COMMD10: variants seen among roughly 807,000 people sequenced by gnomAD.
COMMD10 encodes the protein COMM domain-containing protein 10.
COMMD10 carries 33 observed loss-of-function variants against 28.9 expected under a neutral mutation model. The ratio of observed to expected loss-of-function variants is 1.14; its 90% CI spans 0.87 to 1.53. The LOEUF is 1.53. Ranked by LOEUF, COMMD10 falls within the 40% of genes most tolerant of loss-of-function variation. The pLI is 0.00. For synonymous variants in COMMD10, 110 were observed against 81.7 expected, an observed-to-expected ratio of 1.35 and a Z score of -1.87; for missense variants, 310 against 233.4, an observed-to-expected ratio of 1.33 and a Z score of -2.14.
chr5:116,224,155 T>G (rs904899892), intron 5 of COMMD10, among the ~76,000 whole-genome samples: 1 of 152,168 alleles, frequency 6.6e-6, no homozygotes, highest in African/African-American at 2.4e-5. Flanking sequence ...TTAATCCTTT[T>G]AAAAAATTGA....
At chr5:116,278,632 G>T (rs541367258) in intron 5 of COMMD10, among the ~76,000 whole-genome samples, 1 of 151,812 alleles carries the variant, frequency 6.6e-6, no homozygotes, top group Admixed American at 6.6e-5. Context: ...TATTTCATGC[G>T]CTCTCTTATA....
intron 5 of COMMD10, among the ~76,000 whole-genome samples, chr5:116,138,518 A>T (rs1001216869): frequency 5.3e-5 from 8 of 151,638 alleles, no homozygotes; most frequent in African/African-American, 1.9e-4. Context: ...ATCTTAGTAC[A>T]TTTTTTTCCC....
At chr5:116,114,308 G>T (rs192192598) in intron 4 of COMMD10, among the ~76,000 whole-genome samples, 1 of 152,206 alleles carries the variant, frequency 6.6e-6, no homozygotes, top group African/African-American at 2.4e-5. Flanking sequence ...GGGCAAGTGA[G>T]TGGGCTCATG....
intron 4 of COMMD10, among the ~76,000 whole-genome samples, chr5:116,109,294 T>C (rs538554090): frequency 6.6e-6 from 1 of 152,314 alleles, no homozygotes; most frequent in South Asian, 2.1e-4. Context: ...AATATTCCTA[T>C]GTATTTGGCT....
At chr5:116,235,210 A>G (rs1203628396) in intron 5 of COMMD10, among the ~76,000 whole-genome samples, 1 of 152,196 alleles carries the variant, frequency 6.6e-6, no homozygotes, top group African/African-American at 2.4e-5. Context: ...CTCAGTCAAA[A>G]CATAGTCAAA....
intron 5 of COMMD10, among the ~76,000 whole-genome samples, chr5:116,149,015 C>G (rs910390185): frequency 2.6e-5 from 3 of 117,352 alleles, no homozygotes; most frequent in Non-Finnish European, 3.4e-5. Context: ...CCCCACCCCA[C>G]AGCAGTCCCC....
chr5:116,180,248 G>C (rs1357204898), intron 5 of COMMD10, among the ~76,000 whole-genome samples: 1 of 151,930 alleles, frequency 6.6e-6, no homozygotes, highest in Non-Finnish European at 1.5e-5. Context: ...CGTACATTCA[G>C]GTTTATAGAA....
intron 5 of COMMD10, among the ~76,000 whole-genome samples, chr5:116,191,247 T>A (rs1200010489): frequency 6.6e-6 from 1 of 151,870 alleles, no homozygotes; most frequent in East Asian, 1.9e-4. Flanking sequence ...GAGAAGTAAA[T>A]CTCTAGCTGA....
intron 5 of COMMD10, among the ~76,000 whole-genome samples, chr5:116,208,329 T>TC (rs1221609320): frequency 6.6e-6 from 1 of 151,916 alleles, no homozygotes; most frequent in African/African-American, 2.4e-5. Context: ...TCTGTTCACC[T>TC]CCCCCCACCA....
At chr5:116,234,891 G>GT (rs1197550166) in intron 5 of COMMD10, among the ~76,000 whole-genome samples, 5 of 152,152 alleles carry the variant, frequency 3.3e-5, no homozygotes, top group Admixed American at 3.3e-4. Flanking sequence ...GGGAAAAAGG[G>GT]TGACAGCTCT....
chr5:116,105,081 T>C (rs761364719), intron 4 of COMMD10, among the ~76,000 whole-genome samples: 2 of 152,216 alleles, frequency 1.3e-5, no homozygotes, highest in African/African-American at 2.4e-5. Flanking sequence ...CAGTATGATA[T>C]TGGTTGTGGG....
intron 4 of COMMD10, among the ~76,000 whole-genome samples, chr5:116,120,371 G>C (rs1009564908): frequency 6.6e-6 from 1 of 152,054 alleles, no homozygotes; most frequent in South Asian, 2.1e-4. Context: ...AGGAAGATGA[G>C]GGATAAAAGA....
rs369724600 is a variant in COMMD10, at chr5:116,211,769, TAC to T, written c.510+77599_510+77600del. Among the ~76,000 whole-genome samples the T allele has an allele frequency of 1.4e-3, 212 of 152,170 alleles. 1 individual carries two copies. The highest frequency in any genetic ancestry group is 4.9e-3 in the African/African-American group (204 of 41,520). ...TATTTGCAGCTACATTACACACTCA[TAC>T]ACACACATGCACACGCACACTCTCT... On this transcript the variant is annotated intron_variant, in intron 5 of 6. Transcript: ENST00000274458.
intron 5 of COMMD10, among the ~76,000 whole-genome samples, chr5:116,186,955 C>G (rs768840477): frequency 9.9e-5 from 15 of 152,128 alleles, no homozygotes; most frequent in Non-Finnish European, 1.5e-4. Flanking sequence ...TTAAAAATAA[C>G]TAGAAATATG....
chr5:116,185,350 C>T (rs981342038), intron 5 of COMMD10, among the ~76,000 whole-genome samples: 3 of 152,122 alleles, frequency 2.0e-5, no homozygotes, highest in African/African-American at 4.8e-5. Flanking sequence ...TCAGGTCCTA[C>T]TTCTAGCAGA....
intron 4 of COMMD10, among the ~76,000 whole-genome samples, chr5:116,121,348 A>G (rs1281422291): frequency 1.3e-5 from 2 of 152,198 alleles, no homozygotes; most frequent in Non-Finnish European, 2.9e-5. Flanking sequence ...TCCGTGGTGT[A>G]TATGTGCCAC....
At chr5:116,175,019 T>G (rs1370409694) in intron 5 of COMMD10, among the ~76,000 whole-genome samples, 1 of 152,148 alleles carries the variant, frequency 6.6e-6, no homozygotes, top group African/African-American at 2.4e-5. Flanking sequence ...ACCAGTTTGC[T>G]GGGGAACAGA....
At chr5:116,124,886 ACC>A (rs1751568834) in intron 4 of COMMD10, among the ~76,000 whole-genome samples, 1 of 151,768 alleles carries the variant, frequency 6.6e-6, no homozygotes, top group African/African-American at 2.4e-5. Flanking sequence ...TAGGATTGCA[ACC>A]CCTCCTTTAT....
chr5:116,151,715 A>G (rs1025867543), intron 5 of COMMD10, among the ~76,000 whole-genome samples: 1 of 151,946 alleles, frequency 6.6e-6, no homozygotes, highest in African/African-American at 2.4e-5. Context: ...CCCCTTTATC[A>G]TTTTTGTTGT....
Sources: allele counts gnomAD v4.1 joint callset (sites outside exome capture counted in the v4.1 genomes callset), GRCh38; gene constraint gnomAD v4.1.1; transcripts MANE v1.5; gene names NCBI Gene and HGNC (gene_info 2026-07-23, HGNC 2026-07-21).